Variants in ATG2A observed in about 807,000 individuals in gnomAD.
The protein encoded by ATG2A is autophagy-related protein 2 homolog A.
ATG2A carries 103 observed loss-of-function variants against 214.2 expected under a neutral mutation model. The ratio of observed to expected loss-of-function variants is 0.48; its 90% confidence interval spans 0.41 to 0.57. The LOEUF (loss-of-function observed/expected upper bound fraction) is 0.57. Ranked by LOEUF, ATG2A falls within the 20% of genes least tolerant of loss-of-function variation. ATG2A has a pLI of 0.00. For synonymous variants in ATG2A, 1,160 were observed against 1,142.1 expected (o/e 1.02, Z -0.32); for missense variants, 2,312 against 2,613.2 (o/e 0.88, Z 2.51).
intron 31 of ATG2A, among the ~76,000 whole-genome samples, chr11:64,899,085 A>C (rs773105308): frequency 6.6e-6 from 1 of 152,104 alleles, no homozygotes; most frequent in Non-Finnish European, 1.5e-5. Flanking sequence ...AGCTAATTTT[A>C]GTAGAGACAG....
At position 64,902,667 on chromosome 11, in the gene ATG2A, A is replaced by G; in HGVS notation, c.3626T>C (p.Phe1209Ser). The G allele has an allele frequency of 6.2e-7, 1 of 1,610,256 alleles. No homozygotes were observed. Among genetic ancestry groups the G allele is most frequent in the East Asian group, 2.2e-5 (1 of 44,840 alleles). ...CACATTGTTGGAGCAGCGCAGCTCG[A>G]ATAGTGGCTGGCTCTGCAGGGGCGG... ...STEGKLSQPL[F>S]ELRCSNNVVH... Residue 1209 changes from phenylalanine (F) to serine (S), a missense_variant, in exon 27 of 41, where the codon TTC (phenylalanine) becomes TCC (serine). Physicochemically the swap from Phe to Ser is radical, Grantham distance 155. Coordinates refer to ENST00000377264, the MANE Select transcript of ATG2A (RefSeq NM_015104.3).
chr11:64,905,983 G>T, intron 22 of ATG2A, 130 bp downstream of exon 22: 2 of 1,376,834 alleles, frequency 1.5e-6, no homozygotes, highest in Non-Finnish European at 2.0e-6. Flanking sequence ...TTGCCCAGGA[G>T]CTCCGGACAA....
In ATG2A at chr11:64,911,193, G is replaced by T; in HGVS notation, c.1311C>A (p.Thr437=). The change falls in exon 10 of 41, where the codon ACC becomes ACA. Residue 437 remains threonine (T), a synonymous_variant. Transcript: ENST00000377264. ...LKMTLGGVTL[T]LLQTSAPSSG... is the part of the protein sequence containing the mutation. ...AAGATGGGGCAGACGTCTGAAGCAA[G>T]GTCAGGGTCACACCCCCCAAGGTCA... 6.2e-7 allele frequency: 1 copy of T among 1,614,168 alleles called. No individual in the cohort carries two copies. The highest frequency in any genetic ancestry group is 8.5e-7 in the Non-Finnish European group (1 of 1,180,036).
chr11:64,902,553 G>A lies in ATG2A; in HGVS notation c.3740C>T (p.Pro1247Leu), dbSNP rs1259068209. 6.4e-7 allele frequency: 1 copy of A among 1,552,372 alleles called. No individual in the cohort carries two copies. The highest frequency in any genetic ancestry group is 8.7e-7 in the Non-Finnish European group (1 of 1,150,778). ...VMSTGDLHPP[P>L]RPPSPTEIAG... ...GATCTCCGTGGGGCTGGGGGGCCGG[G>A]GTGGGGGGTGCAGATCGCCTGTGCT... is the stretch of plus-strand genomic sequence containing the variant. The change falls in exon 27 of 41, where the codon CCC becomes CTC. Residue 1247 changes from proline to leucine, a missense_variant. Pro to Leu is a moderately conservative substitution (Grantham distance 98). Coordinates refer to ENST00000377264, the MANE Select transcript of ATG2A (RefSeq NM_015104.3).
Position 64,900,481 on chromosome 11 carries a change from C to T in ATG2A, c.4464+13G>A. The T allele has an allele frequency of 6.2e-7, 1 of 1,613,266 alleles. No homozygotes were observed. Among genetic ancestry groups the T allele is most frequent in the East Asian group, 2.2e-5 (1 of 44,886 alleles). ...GACACACACGTGTAGTAGGCACTCG[C>T]CACCCCACTCACCTTGCTCAGCTGG... On this transcript the variant is annotated intron_variant, in intron 31 of 40. Transcript: ENST00000377264.
intron 8 of ATG2A, 22 bp downstream of exon 8, chr11:64,912,063 C>T: frequency 6.2e-7 from 1 of 1,612,402 alleles, no homozygotes. Flanking sequence ...CCCCTCCAAC[C>T]ACGGTCTGAC....
At chr11:64,914,294 C>T in intron 2 of ATG2A, 44 bp downstream of exon 2, 1 of 1,560,260 alleles carries the variant, frequency 6.4e-7, no homozygotes, top group Non-Finnish European at 8.7e-7. Flanking sequence ...ACGCCCCAGC[C>T]CACTCTCCCC....
intron 16 of ATG2A, among the ~76,000 whole-genome samples, chr11:64,908,397 T>C (rs1944635404): frequency 6.6e-6 from 1 of 151,992 alleles, no homozygotes; most frequent in African/African-American, 2.4e-5. Context: ...ACTAAAAATA[T>C]AAAAATTAGC....
chr11:64,906,448 T>C lies in ATG2A; in HGVS notation c.3069A>G (p.Pro1023=), dbSNP rs145657863. Residue 1023 remains proline (P), a synonymous_variant, in exon 21 of 41, where the codon CCA becomes CCG. Coordinates refer to ENST00000377264, the MANE Select transcript of ATG2A (RefSeq NM_015104.3). ...PPAQLAPTIY[P]SEEGVTERGA... is the part of the protein sequence containing the mutation. ...CCCGCTCGGTCACCCCTTCCTCCGA[T>C]GGGTAGATGGTTGGGGCCAGCTGAG... 6.2e-6 allele frequency: 10 copies of C among 1,613,038 alleles called. No homozygotes were observed. In the African/African-American group the frequency reaches 1.3e-4, roughly 22 times the overall value.
chr11:64,910,836 G>A lies in ATG2A; in HGVS notation c.1585C>T (p.Arg529Trp), dbSNP rs776550008. The change falls in exon 11 of 41, where the codon CGG becomes TGG. Residue 529 changes from arginine (R) to tryptophan (W), a missense_variant. Coordinates refer to ENST00000377264, the MANE Select transcript of ATG2A (RefSeq NM_015104.3). ...QLEVLECLWPRGTSEPEYTEI... is the reference protein window; with the variant it reads ...QLEVLECLWPWGTSEPEYTEI... The stretch of plus-strand genomic sequence containing the variant: ...GTGTACTCAGGCTCAGAGGTGCCCC[G>A]GGGCCACAGACACTCCAGCACCTCC... 2.0e-5 allele frequency: 32 copies of A among 1,608,648 alleles called. No individual in the cohort carries two copies. The highest frequency in any genetic ancestry group is 2.6e-5 in the Non-Finnish European group (31 of 1,178,074).
rs747033212 is a variant in ATG2A, at chr11:64,898,743, T to C, written c.4564A>G (p.Ile1522Val). Residue 1522 changes from isoleucine (I) to valine (V), a missense_variant, in exon 32 of 41, where the codon ATC (isoleucine) becomes GTC (valine). Coordinates refer to ENST00000377264, the MANE Select transcript of ATG2A (RefSeq NM_015104.3). This position sits in a 1 kb window ranked among gnomAD's most constrained non-coding sequence, Gnocchi z 4.5. ...EERPLSRQVF[I>V]VQELEVRDRL... ...TCTCGGACCTCCAGCTCCTGCACGA[T>C]GAACACCTGACGGGACAGCGGTCGC... The C allele has an allele frequency of 4.3e-6, 7 of 1,613,902 alleles. No homozygotes were observed. The highest frequency in any genetic ancestry group is 2.2e-5 in the South Asian group (2 of 91,082).
At chr11:64,909,398 T>C (rs1425728425) in intron 14 of ATG2A, 31 bp from the exon 15 acceptor site, 1 of 1,593,998 alleles carries the variant, frequency 6.3e-7, no homozygotes. Context: ...AGGGGGGTCA[T>C]CACTGCTGCC....
Position 64,907,534 on chromosome 11 carries a change from A to G in ATG2A, c.2638T>C (p.Phe880Leu), listed in dbSNP as rs1467048393. ...HDSFKMCKSA[F>L]KLANCFDLTP... is the part of the protein sequence containing the mutation. ...TTAGCACCTCTCATACCCAGCTTGA[A>G]GGCTGACTTGCACATCTTAAAGCTG... Residue 880 changes from phenylalanine to leucine, a missense_variant, in exon 18 of 41, where the codon TTC (phenylalanine) becomes CTC (leucine). Coordinates refer to ENST00000377264, the MANE Select transcript of ATG2A (RefSeq NM_015104.3). 1 of 1,605,334 alleles carries G rather than the reference A, an allele frequency of 6.2e-7. No homozygotes were observed. Among genetic ancestry groups the G allele is most frequent in the Non-Finnish European group, 8.5e-7 (1 of 1,175,578 alleles).
chr11:64,907,152 C>T, intron 19 of ATG2A, 103 bp downstream of exon 19: 1 of 1,359,962 alleles, frequency 7.4e-7, no homozygotes. Flanking sequence ...ACTCAGGCCT[C>T]CTGCTCTCCA....
chr11:64,912,340 G>A lies in ATG2A; in HGVS notation c.909C>T (p.Ala303=), dbSNP rs758408218. 37 of 1,404,588 alleles carry A rather than the reference G, an allele frequency of 2.6e-5. No homozygotes were observed. Among genetic ancestry groups the A allele is most frequent in the East Asian group, 1.2e-4 (3 of 25,688 alleles). 87.0% of individuals were successfully genotyped at this position (1,404,588 alleles called of 1,614,324 possible). A position where few individuals can be genotyped will look rare whatever the true frequency, so the allele number is the denominator to read the frequency against. ...QLQQLQELLS[A]VSLTDHEGLA... ...CAGGGGCCTCACCTGTAAGGCTCAC[G>A]GCGCTGAGCAGTTCCTGAAGTTGCT... Residue 303 remains alanine (A), a synonymous_variant, in exon 7 of 41, where the codon GCC becomes GCT. Transcript: ENST00000377264.
At position 64,903,540 on chromosome 11, in the gene ATG2A, G is replaced by A. The variant is rs776336717; in HGVS notation, c.3535+50C>T. ...ACACCTGGCTGCTCTGGGTGTGGCC[G>A]GGGCGGTGGTCCCTCAGAGGGGAGG... On this transcript the variant is annotated intron_variant, in intron 25 of 40. Coordinates refer to ENST00000377264, the MANE Select transcript of ATG2A (RefSeq NM_015104.3). The surrounding 1 kb of genome is among the most constrained non-coding windows in gnomAD (Gnocchi z 4.2). 74 of 1,514,222 alleles carry A rather than the reference G, an allele frequency of 4.9e-5. No homozygotes were observed. The highest frequency in any genetic ancestry group is 1.8e-4 in the Admixed American group (9 of 49,206). The allele number at this position is 1,514,222 out of a possible 1,614,324, so 93.8% of individuals were successfully genotyped here.
Position 64,913,295 on chromosome 11 carries a change from G to A in ATG2A, c.697C>T (p.Arg233Cys), listed in dbSNP as rs1055583925. The stretch of plus-strand genomic sequence containing the variant: ...GCCGGGAGCTCCTCGTAGTGCAGGC[G>A]GACCCCTGCCAGCTGCAGCAGCTTG... The part of the protein sequence containing the change: ...LHKLLQLAGV[R>C]LHYEELPAQE... Residue 233 changes from arginine (R) to cysteine (C), a missense_variant, in exon 5 of 41, where the codon CGC (arginine) becomes TGC (cysteine). Coordinates refer to ENST00000377264, the MANE Select transcript of ATG2A (RefSeq NM_015104.3). The surrounding 1 kb of genome is among the most constrained non-coding windows in gnomAD (Gnocchi z 4.3). The A allele has an allele frequency of 3.0e-5, 49 of 1,610,424 alleles. No homozygotes were observed. Among genetic ancestry groups the A allele is most frequent in the African/African-American group, 9.3e-5 (7 of 74,906 alleles).
At position 64,906,742 on chromosome 11, in the gene ATG2A, C is replaced by G. The variant is rs754023922; in HGVS notation, c.2906G>C (p.Ser969Thr). ...VLDMEHGTLF[S>T]VSQYCGQPGL... The stretch of plus-strand genomic sequence containing the variant: ...TGGCTGGCCACAGTACTGGGAGACG[C>G]TGAAGAGGGTACCGTGCTCCATGTC... Residue 969 changes from serine to threonine, a missense_variant, in exon 20 of 41, where the codon AGC becomes ACC. Coordinates refer to ENST00000377264, the MANE Select transcript of ATG2A (RefSeq NM_015104.3). 1.2e-6 allele frequency: 2 copies of G among 1,613,644 alleles called. No homozygotes were observed. The highest frequency in any genetic ancestry group is 2.2e-5 in the South Asian group (2 of 91,090).
At chr11:64,910,742 G>T in intron 11 of ATG2A, 34 bp from the exon 12 acceptor site, 1 of 1,609,850 alleles carries the variant, frequency 6.2e-7, no homozygotes, top group Non-Finnish European at 8.5e-7. Flanking sequence ...ACAGGGTCAG[G>T]CCTGGCCCCA....
Sources: gnomAD v4.1 joint callset for allele counts (sites outside exome capture counted in the v4.1 genomes callset) on GRCh38, gnomAD v4.1.1 for gene constraint, Gnocchi (gnomAD v3.1) non-coding constraint, MANE v1.5 for transcripts, NCBI Gene and HGNC (gene_info 2026-07-23, HGNC 2026-07-21) for gene names.